Variants in FAM53A observed in about 807,000 individuals in gnomAD.
FAM53A encodes family with sequence similarity 53 member A.
In FAM53A, 28 loss-of-function variants were observed where a neutral mutation model predicts 26.6. The observed-to-expected ratio is 1.05, with a 90% CI of 0.78 to 1.45. The LOEUF is 1.45. FAM53A is among the 40% of genes most tolerant of loss of function. The pLI is 0.00. For synonymous variants in FAM53A, 290 were observed against 253.1 expected (o/e 1.15, Z -1.38); for missense variants, 650 against 575.8 (o/e 1.13, Z -1.32).
chr4:1,625,894 G>A (rs1298269870), intron 1 of FAM53A, among the ~76,000 whole-genome samples: 3 of 152,250 alleles, frequency 2.0e-5, no homozygotes, highest in African/African-American at 7.2e-5. Context: ...TGGGCAGCCA[G>A]GAGCTGTCCA....
the FAM53A span, among the ~76,000 whole-genome samples, chr4:1,587,853 G>A: frequency 6.6e-6 from 1 of 152,046 alleles, no homozygotes; most frequent in African/African-American, 2.4e-5. Context: ...TTTTATAACC[G>A]TAGGCAATTT....
At chr4:1,605,628 G>A in the FAM53A span, among the ~76,000 whole-genome samples, 1 of 84,850 alleles carries the variant, frequency 1.2e-5, no homozygotes, top group Non-Finnish European at 2.9e-5. The surrounding 1 kb of genome is among the most constrained non-coding windows in gnomAD (Gnocchi z 5.7). Flanking sequence ...GCGGCTCCTC[G>A]GGGTGCCTCC....
chr4:1,637,641 G>GGGCAGCCC, downstream of FAM53A, among the ~76,000 whole-genome samples: 1 of 95,620 alleles, frequency 1.0e-5, no homozygotes, highest in Non-Finnish European at 2.7e-5. Flanking sequence ...CGGCAGGGGT[G>GGGCAGCCC]GGCAGGGGTG....
chr4:1,597,869 G>A, the FAM53A span, among the ~76,000 whole-genome samples: 14 of 152,356 alleles, frequency 9.2e-5, no homozygotes, highest in African/African-American at 1.7e-4. Flanking sequence ...GGTGGCGGGC[G>A]CCTGTAATCC....
the FAM53A span, among the ~76,000 whole-genome samples, chr4:1,582,825 C>G: frequency 6.6e-6 from 1 of 152,196 alleles, no homozygotes; most frequent in Non-Finnish European, 1.5e-5. Flanking sequence ...TGCACTCCAA[C>G]ATGGGCAACA....
At chr4:1,599,979 G>C in the FAM53A span, among the ~76,000 whole-genome samples, 5 of 151,064 alleles carry the variant, frequency 3.3e-5, no homozygotes, top group Non-Finnish European at 7.4e-5. The surrounding 1 kb of genome is among the most constrained non-coding windows in gnomAD (Gnocchi z 6.1). Flanking sequence ...CCCTGATGCA[G>C]GCCCCACCAC....
At chr4:1,623,630 C>T (rs867639675) in intron 1 of FAM53A, among the ~76,000 whole-genome samples, 8 of 152,362 alleles carry the variant, frequency 5.3e-5, no homozygotes, top group Admixed American at 2.0e-4. Flanking sequence ...CAGCAGACGG[C>T]CGCCCGCTCC....
chr4:1,600,619 C>G, the FAM53A span, among the ~76,000 whole-genome samples: 1 of 152,210 alleles, frequency 6.6e-6, no homozygotes, highest in Non-Finnish European at 1.5e-5. Flanking sequence ...CATCGGCTTG[C>G]CTCCCCTCTG....
chr4:1,646,192 C>G (rs1712228339), intron 4 of FAM53A, among the ~76,000 whole-genome samples: 1 of 152,186 alleles, frequency 6.6e-6, no homozygotes, highest in South Asian at 2.1e-4. Context: ...CCTCCGCCTC[C>G]CGGGTTCAGG....
chr4:1,579,620 G>A, the FAM53A span, among the ~76,000 whole-genome samples: 1 of 152,212 alleles, frequency 6.6e-6, no homozygotes, highest in Non-Finnish European at 1.5e-5. Context: ...GCCTGTAAAA[G>A]GGGGTGGGGC....
chr4:1,624,096 G>T (rs1715175169), intron 1 of FAM53A, among the ~76,000 whole-genome samples: 2 of 152,234 alleles, frequency 1.3e-5, no homozygotes, highest in South Asian at 4.1e-4. Context: ...AGGGACCACT[G>T]GTGGCCAGGT....
At chr4:1,599,234 G>A in the FAM53A span, among the ~76,000 whole-genome samples, 2 of 48,604 alleles carry the variant, frequency 4.1e-5, no homozygotes, top group African/African-American at 9.8e-5. The surrounding 1 kb of genome is among the most constrained non-coding windows in gnomAD (Gnocchi z 6.1). Flanking sequence ...GCGCAGGGCC[G>A]TCAGCTCCAA....
intron 1 of FAM53A, among the ~76,000 whole-genome samples, chr4:1,619,321 G>C (rs1204680645): frequency 6.6e-6 from 1 of 152,210 alleles, no homozygotes; most frequent in East Asian, 1.9e-4. Context: ...GCACTGCCAG[G>C]GCGGCCAACG....
the FAM53A span, among the ~76,000 whole-genome samples, chr4:1,602,020 G>A: frequency 6.7e-5 from 10 of 148,666 alleles, no homozygotes; most frequent in African/African-American, 2.5e-4. Flanking sequence ...GACGGGGGAG[G>A]TGGGATGGTG....
At chr4:1,592,851 G>A in the FAM53A span, among the ~76,000 whole-genome samples, 1 of 152,136 alleles carries the variant, frequency 6.6e-6, no homozygotes, top group Non-Finnish European at 1.5e-5. Flanking sequence ...ACCCGCACAC[G>A]CCTGGAGCCC....
chr4:1,659,204 C>T lies in FAM53A; in HGVS notation c.76-1736G>A, dbSNP rs1421582399. 6.6e-6 allele frequency among the ~76,000 whole-genome samples: 1 copy of T among 152,200 alleles called. No homozygotes were observed. The highest frequency in any genetic ancestry group is 2.4e-5 in the African/African-American group (1 of 41,446). ...ACAGGGCCTGGTGCGGGCCCGGGAA[C>T]CACACGACCTCCAGGTTCTCCCACC... On this transcript the variant is annotated intron_variant, in intron 2 of 4. Transcript: ENST00000308132. This position sits in a 1 kb window ranked among gnomAD's most constrained non-coding sequence, Gnocchi z 5.2.
rs1715556731 is a variant in FAM53A, at chr4:1,630,314, C to T, written c.432-12203G>A. ...GTCAGAGCCCACCTTGGTGTTGTGGCCCCCATGGTGTCTGCTGAGACCACT... is the reference window on the plus strand; with the variant it reads ...GTCAGAGCCCACCTTGGTGTTGTGGTCCCCATGGTGTCTGCTGAGACCACT... On this transcript the variant is annotated intron_variant, in intron 1 of 1. Coordinates refer to the FAM53A transcript ENST00000489029. This position sits in a 1 kb window ranked among gnomAD's most constrained non-coding sequence, Gnocchi z 4.3. Among the ~76,000 whole-genome samples the T allele has an allele frequency of 6.6e-6, 1 of 152,230 alleles. No individual in the cohort carries two copies. Among genetic ancestry groups the T allele is most frequent in the East Asian group, 1.9e-4 (1 of 5,190 alleles).
rs79448086 is a variant in FAM53A at position 1,657,410 on chromosome 4, T to C, written c.134A>G (p.Asn45Ser). The C allele has an allele frequency of 6.0e-4, 973 of 1,613,352 alleles. 8 individuals carry two copies. In the African/African-American group the frequency reaches 0.012, roughly 20 times the overall value. Residue 45 changes from asparagine to serine, a missense_variant and splice_region_variant, in exon 3 of 5, where the codon AAC becomes AGC. Coordinates refer to ENST00000308132, the MANE Select transcript of FAM53A (RefSeq NM_001174070.3). ...GCCACAGCTCCTAAAGTGCTCACCG[T>C]TGAGCTCCAAAGGGAACAGACGACC... ...KSGRLFPLEL[N>S]DQSPWKVFSG...
intron 2 of FAM53A, among the ~76,000 whole-genome samples, chr4:1,660,085 C>G (rs796858080): frequency 6.6e-6 from 1 of 151,840 alleles, no homozygotes; most frequent in African/African-American, 2.4e-5. Flanking sequence ...GAGTTTGAGA[C>G]CAGCGTGGCC....
Sources: allele counts gnomAD v4.1 joint callset (sites outside exome capture counted in the v4.1 genomes callset), GRCh38; gene constraint gnomAD v4.1.1; non-coding constraint Gnocchi (gnomAD v3.1); transcripts MANE v1.5; gene names NCBI Gene and HGNC (gene_info 2026-07-23, HGNC 2026-07-21).